The following SH3TC1 variants were observed in gnomAD, a reference collection of about 807,000 sequenced individuals.
SH3TC1 encodes the protein SH3 domain and tetratricopeptide repeats 1.
A neutral mutation model predicts 117.3 loss-of-function variants in SH3TC1; 135 were observed. The observed-to-expected ratio is 1.15, with a 90% confidence interval of 1.00 to 1.33. The LOEUF is 1.33. Ranked by LOEUF, SH3TC1 falls within the 40% of genes most tolerant of loss-of-function variation. The probability of loss-of-function intolerance (pLI) is 0.00; values close to 1 mark genes in which losing one functional copy is unlikely to be tolerated. For missense variants in SH3TC1, 2,092 were observed against 1,794.3 expected, an observed-to-expected ratio of 1.17 and a Z score of -3.00; for synonymous variants, 898 against 816.9, an observed-to-expected ratio of 1.10 and a Z score of -1.69.
chr4:8,185,199 G>T (rs926651637), intron 1 of SH3TC1, among the ~76,000 whole-genome samples: 1 of 151,906 alleles, frequency 6.6e-6, no homozygotes, highest in Non-Finnish European at 1.5e-5. Flanking sequence ...AGCCAGGAGT[G>T]TTTGCGGGTG....
intron 6 of SH3TC1, among the ~76,000 whole-genome samples, 176 bp from the exon 7 acceptor site, chr4:8,216,781 C>T (rs772267601): frequency 3.3e-5 from 5 of 152,166 alleles, no homozygotes; most frequent in Non-Finnish European, 5.9e-5. Context: ...GAGCTGGGAC[C>T]TCGCCCTGGG....
At position 8,226,531 on chromosome 4, in the gene SH3TC1, G is replaced by A. The variant is rs544758030; in HGVS notation, c.1286-449G>A. ...TCTGACTGGCTGTTGAGGATTTCATGGATTCCTGTACCCCATCGAGGGGCC... is the reference window on the plus strand; with the variant it reads ...TCTGACTGGCTGTTGAGGATTTCATAGATTCCTGTACCCCATCGAGGGGCC... On this transcript the variant is annotated intron_variant, in intron 11 of 17. Coordinates refer to ENST00000245105, the MANE Select transcript of SH3TC1 (RefSeq NM_018986.5). Among the ~76,000 whole-genome samples the A allele has an allele frequency of 2.6e-5, 4 of 152,310 alleles. No individual in the cohort carries two copies. The South Asian group carries it at 6.2e-4, about 24-fold the overall frequency.
At chr4:8,200,309 G>A (rs995841320) in intron 1 of SH3TC1, among the ~76,000 whole-genome samples, 2 of 152,200 alleles carry the variant, frequency 1.3e-5, no homozygotes, top group African/African-American at 4.8e-5. Context: ...GGTTTAGGAT[G>A]GGTATGTGGG....
chr4:8,202,827 C>T (rs371934077), intron 1 of SH3TC1, among the ~76,000 whole-genome samples: 13 of 152,336 alleles, frequency 8.5e-5, no homozygotes, highest in East Asian at 5.8e-4. Context: ...ACTATTCTGT[C>T]GAAATTCCCA....
chr4:8,208,288 C>T (rs987602358), intron 2 of SH3TC1, among the ~76,000 whole-genome samples: 1 of 152,164 alleles, frequency 6.6e-6, no homozygotes, highest in Non-Finnish European at 1.5e-5. Context: ...GGGTGTGTTT[C>T]GGTTACCGCT....
Position 8,225,216 on chromosome 4 carries a change from G to T in SH3TC1, c.1285G>T (p.Glu429Ter), listed in dbSNP as rs759136517. 2.1e-5 allele frequency: 34 copies of T among 1,613,442 alleles called. No homozygotes were observed. In the Admixed American group the frequency reaches 3.7e-4, roughly 17 times the overall value. Residue 429 changes from glutamate (E) to a stop codon, truncating the protein, a stop_gained and splice_region_variant, in exon 11 of 18, where the codon GAA becomes TAA. Transcript: ENST00000245105. LOFTEE classifies it high-confidence loss of function. The surrounding 1 kb of genome is among the most constrained non-coding windows in gnomAD (Gnocchi z 5.5). ...TGAGACCGAGCAGCCGCAGGAAAAA[G>T]GTGGGTTTTGCCAGTGGCTCAGGCT... ...EAETEQPQEKEIPPPCLSLEP... is the reference protein window; with the variant it reads ...EAETEQPQEK
Position 8,209,873 on chromosome 4 carries a change from C to A in SH3TC1, c.247+51C>A. 6.4e-7 allele frequency: 1 copy of A among 1,570,932 alleles called. No individual in the cohort carries two copies. Among genetic ancestry groups the A allele is most frequent in the South Asian group, 1.1e-5 (1 of 87,556 alleles). ...GCTTCAGGTTCAAATCCGGGCTGTG[C>A]CGCTCCCTGGGCATCCAAGAGTCCA... On this transcript the variant is annotated intron_variant, in intron 3 of 17. Transcript: ENST00000245105. The surrounding 1 kb of genome is among the most constrained non-coding windows in gnomAD (Gnocchi z 5.9).
chr4:8,186,967 T>C lies in SH3TC1; in HGVS notation c.-57+4757T>C, dbSNP rs1034283629. Among the ~76,000 whole-genome samples, 1 of 147,636 alleles carries C rather than the reference T, an allele frequency of 6.8e-6. No individual in the cohort carries two copies. Among genetic ancestry groups the C allele is most frequent in the African/African-American group, 2.5e-5 (1 of 39,914 alleles). On this transcript the variant is annotated intron_variant, in intron 1 of 16. Coordinates refer to the SH3TC1 transcript ENST00000508641. The surrounding 1 kb of genome is among the most constrained non-coding windows in gnomAD (Gnocchi z 5.2). Reference sequence around the variant, plus strand: ...TCAAAAAAAAAAAAAAAAAAGGACATGCTCCTGTAGGCACATTGCTGTGCC... The same window carrying C: ...TCAAAAAAAAAAAAAAAAAAGGACACGCTCCTGTAGGCACATTGCTGTGCC...
intron 7 of SH3TC1, among the ~76,000 whole-genome samples, 171 bp downstream of exon 7, chr4:8,217,338 C>A (rs1719399937): frequency 6.6e-6 from 1 of 152,246 alleles, no homozygotes; most frequent in Non-Finnish European, 1.5e-5. Context: ...ATTTGGCCCA[C>A]CTCTCTGGGC....
intron 1 of SH3TC1, among the ~76,000 whole-genome samples, chr4:8,203,033 T>C (rs1413006157): frequency 6.6e-6 from 1 of 152,172 alleles, no homozygotes; most frequent in Admixed American, 6.5e-5. Context: ...TGGGCTTACA[T>C]GACACCCACT....
Position 8,232,168 on chromosome 4 carries a change from C to A in SH3TC1, c.3131+12C>A. 1 of 1,039,364 alleles carries A rather than the reference C, an allele frequency of 9.6e-7. No homozygotes were observed. Among genetic ancestry groups the A allele is most frequent in the South Asian group, 1.5e-5 (1 of 68,070 alleles). 64.4% of individuals were successfully genotyped at this position (1,039,364 alleles called of 1,614,324 possible). The stretch of plus-strand genomic sequence containing the variant: ...CTGGGCACCGAGCGGTGAGGGCTGG[C>A]TCTGTGGTGGTGGGGGCGGGGGGAG... On this transcript the variant is annotated intron_variant, in intron 13 of 17. Transcript: ENST00000245105.
intron 13 of SH3TC1, 146 bp downstream of exon 13, chr4:8,232,302 G>A (rs1721308517): frequency 6.8e-7 from 1 of 1,469,198 alleles, no homozygotes; most frequent in Non-Finnish European, 9.2e-7. Flanking sequence ...TCTGAGCTGG[G>A]GGGCCTGGGG....
intron 1 of SH3TC1, among the ~76,000 whole-genome samples, chr4:8,199,786 C>T: frequency 6.6e-6 from 1 of 152,188 alleles, no homozygotes; most frequent in East Asian, 1.9e-4. Context: ...GACCCCAGCG[C>T]CCGGTTAGCT....
chr4:8,200,786 G>A (rs921380986), intron 1 of SH3TC1, among the ~76,000 whole-genome samples: 2 of 152,136 alleles, frequency 1.3e-5, no homozygotes, highest in African/African-American at 4.8e-5. Context: ...GCCTCTTCCC[G>A]CTGCCTGTGG....
chr4:8,238,473 C>T (rs572039072), intron 17 of SH3TC1, among the ~76,000 whole-genome samples: 4 of 152,306 alleles, frequency 2.6e-5, no homozygotes, highest in South Asian at 2.1e-4. Flanking sequence ...CATCGGTGCT[C>T]GTTGTGGGCT....
At chr4:8,232,981 T>C in intron 13 of SH3TC1, 7 of 1,196,398 alleles carry the variant, frequency 5.9e-6, no homozygotes, top group Non-Finnish European at 7.4e-6. Context: ...CAGCAAGCTA[T>C]ATGGACAGGC....
In SH3TC1 at chr4:8,227,166, A is replaced by T. The variant is rs762318919; in HGVS notation, c.1472A>T (p.Asp491Val). 3 of 1,603,712 alleles carry T rather than the reference A, an allele frequency of 1.9e-6. No homozygotes were observed. In the Admixed American group the frequency reaches 5.1e-5, roughly 28 times the overall value. The change falls in exon 12 of 18, where the codon GAC (aspartate) becomes GTC (valine). Residue 491 changes from aspartate (D) to valine (V), a missense_variant. Transcript: ENST00000245105. ...CCCTCCTTCTGCTTGGAAGCCGAGGACGACTGGGAGGACCCAGAGGCCCTG... is the reference window on the plus strand; with the variant it reads ...CCCTCCTTCTGCTTGGAAGCCGAGGTCGACTGGGAGGACCCAGAGGCCCTG... Reference protein sequence around the residue: ...EEPSFCLEAEDDWEDPEALSS... With the variant: ...EEPSFCLEAEVDWEDPEALSS...
In SH3TC1 at chr4:8,214,552, C is replaced by A. The variant is rs1280988669; in HGVS notation, c.453C>A (p.Ile151=). Residue 151 remains isoleucine (I), a synonymous_variant, in exon 5 of 18, where the codon ATC becomes ATA. Coordinates refer to ENST00000245105, the MANE Select transcript of SH3TC1 (RefSeq NM_018986.5). ...IVVTFKTFEE[I]WKFSTYHALG... ...TGACGTTTAAGACTTTTGAAGAAAT[C>A]TGGAAGTTTTCCACCTACCATGCTC... 6.2e-7 allele frequency: 1 copy of A among 1,613,976 alleles called. No homozygotes were observed. Among genetic ancestry groups the A allele is most frequent in the Non-Finnish European group, 8.5e-7 (1 of 1,179,988 alleles).
chr4:8,204,923 C>T (rs771746765), intron 1 of SH3TC1: 19 of 329,978 alleles, frequency 5.8e-5, no homozygotes, highest in South Asian at 1.3e-4. Flanking sequence ...AGAAAACCAG[C>T]GAGAGGAGGC....
Sources: allele counts gnomAD v4.1 joint callset (sites outside exome capture counted in the v4.1 genomes callset), GRCh38; gene constraint gnomAD v4.1.1; non-coding constraint Gnocchi (gnomAD v3.1); transcripts MANE v1.5; gene names NCBI Gene and HGNC (gene_info 2026-07-23, HGNC 2026-07-21).